Variants in MRPS35 observed in about 807,000 individuals in gnomAD.
The protein encoded by MRPS35 is mitochondrial ribosomal protein S35.
A neutral mutation model predicts 32.7 loss-of-function variants in MRPS35; 29 were observed. That is an observed-to-expected ratio of 0.89 (90% confidence interval 0.66 to 1.21). MRPS35 has a LOEUF of 1.21. MRPS35 is among the 50% of genes most tolerant of loss of function. The pLI, the probability that MRPS35 is intolerant of heterozygous loss-of-function variation, is 0.00. For synonymous variants in MRPS35, 148 were observed against 139.3 expected, an observed-to-expected ratio of 1.06 and a Z score of -0.44; for missense variants, 373 against 383.8, an observed-to-expected ratio of 0.97 and a Z score of 0.23.
intron 7 of MRPS35, among the ~76,000 whole-genome samples, chr12:27,738,086 T>C (rs900940927): frequency 3.3e-5 from 5 of 152,232 alleles, no homozygotes; most frequent in Non-Finnish European, 7.4e-5. Context: ...CAATTAATTA[T>C]AGCTTGAGTA....
At position 27,729,690 on chromosome 12, in the gene MRPS35, C is replaced by A. The variant is rs1006735242; in HGVS notation, c.522+5504C>A. ...TTCAATATACTGATGCATTTCTGAA[C>A]CCTGGTCAGTTCATAGTGTATCATT... On this transcript the variant is annotated intron_variant, in intron 5 of 7. Transcript: ENST00000081029. 2.6e-5 allele frequency among the ~76,000 whole-genome samples: 4 copies of A among 152,188 alleles called. No homozygotes were observed. The East Asian group carries it at 7.7e-4, about 29-fold the overall frequency.
At position 27,755,556 on chromosome 12, in the gene MRPS35, C is replaced by G; in HGVS notation, c.*106C>G. The G allele has an allele frequency of 1.7e-6, 2 of 1,152,134 alleles. No homozygotes were observed. The highest frequency in any genetic ancestry group is 2.4e-6 in the Non-Finnish European group (2 of 850,200). The allele number at this position is 1,152,134 out of a possible 1,614,324, so 71.4% of individuals were successfully genotyped here. Reference sequence around the variant, plus strand: ...ATGTTAAAAAATCATTTTTTTTCCTCAGAGTTAAAATTATTTCCCTCATAC... The same window carrying G: ...ATGTTAAAAAATCATTTTTTTTCCTGAGAGTTAAAATTATTTCCCTCATAC... On this transcript the variant is annotated 3_prime_UTR_variant, in exon 8 of 8. Transcript: ENST00000081029.
Position 27,755,573 on chromosome 12 carries a change from C to A in MRPS35, c.*123C>A. On this transcript the variant is annotated 3_prime_UTR_variant, in exon 8 of 8. Transcript: ENST00000081029. Reference sequence around the variant, plus strand: ...TTTTTCCTCAGAGTTAAAATTATTTCCCTCATACTAATGCTTAATGGCAAT... The same window carrying A: ...TTTTTCCTCAGAGTTAAAATTATTTACCTCATACTAATGCTTAATGGCAAT... The A allele has an allele frequency of 1.1e-6, 1 of 923,128 alleles. No homozygotes were observed. The highest frequency in any genetic ancestry group is 1.5e-6 in the Non-Finnish European group (1 of 648,596). The allele number at this position is 923,128 out of a possible 1,614,324, so 57.2% of individuals were successfully genotyped here.
intron 5 of MRPS35, among the ~76,000 whole-genome samples, chr12:27,726,010 A>G (rs1291141455): frequency 6.8e-6 from 1 of 148,130 alleles, no homozygotes; most frequent in Non-Finnish European, 1.5e-5. Context: ...GGGTTTTGCC[A>G]TGATGCCCAG....
chr12:27,716,614 A>C (rs951218056), intron 3 of MRPS35, among the ~76,000 whole-genome samples, 156 bp downstream of exon 3: 23 of 152,248 alleles, frequency 1.5e-4, no homozygotes, highest in African/African-American at 5.1e-4. Flanking sequence ...GTTTATTATT[A>C]TACAACACCA....
intron 3 of MRPS35, among the ~76,000 whole-genome samples, chr12:27,717,189 T>C (rs1431481976): frequency 6.6e-6 from 1 of 152,126 alleles, no homozygotes; most frequent in Non-Finnish European, 1.5e-5. Context: ...GCCTATCATA[T>C]CTTTTCTATA....
chr12:27,722,402 T>C (rs958171549), intron 4 of MRPS35, among the ~76,000 whole-genome samples: 2 of 152,236 alleles, frequency 1.3e-5, no homozygotes. Context: ...TAAAGGCTAA[T>C]AGGAGTCTAT....
At chr12:27,746,117 G>C (rs1172607644) in intron 7 of MRPS35, among the ~76,000 whole-genome samples, 1 of 152,198 alleles carries the variant, frequency 6.6e-6, no homozygotes, top group Non-Finnish European at 1.5e-5. Flanking sequence ...ATCTCTAGCT[G>C]TGAGACCCAG....
At chr12:27,732,548 A>G (rs925042462) in intron 5 of MRPS35, among the ~76,000 whole-genome samples, 2 of 152,216 alleles carry the variant, frequency 1.3e-5, no homozygotes, top group Non-Finnish European at 2.9e-5. Flanking sequence ...ACGTAGGTCA[A>G]ACAGGTGGAC....
In MRPS35 at chr12:27,722,513, A is replaced by AT. The variant is rs202117644; in HGVS notation, c.383-1523dup. 6.8e-3 allele frequency among the ~76,000 whole-genome samples: 1,007 copies of AT among 147,406 alleles called. 5 individuals carry two copies. Among genetic ancestry groups the AT allele is most frequent in the African/African-American group, 0.022 (900 of 40,420 alleles). On this transcript the variant is annotated intron_variant, in intron 4 of 7. Coordinates refer to ENST00000081029, the MANE Select transcript of MRPS35 (RefSeq NM_021821.4). ...TTGATGATTGAAATGACTTATTCACATTTTTTTTTTTAAGTAAAAGAAAAA... is the reference window on the plus strand; with the variant it reads ...TTGATGATTGAAATGACTTATTCACATTTTTTTTTTTTAAGTAAAAGAAAAA...
At chr12:27,740,079 C>T (rs1349789968) in intron 7 of MRPS35, among the ~76,000 whole-genome samples, 3 of 152,166 alleles carry the variant, frequency 2.0e-5, no homozygotes, top group Non-Finnish European at 4.4e-5. Flanking sequence ...TGAAATTTTG[C>T]GGAGCTGCTA....
At chr12:27,723,897 G>T in intron 4 of MRPS35, 150 bp from the exon 5 acceptor site, 1 of 657,918 alleles carries the variant, frequency 1.5e-6, no homozygotes, top group East Asian at 3.2e-5. Flanking sequence ...AGGGATAAGG[G>T]ATGATGCTAT....
At chr12:27,745,611 C>T (rs1010720183) in intron 7 of MRPS35, among the ~76,000 whole-genome samples, 22 of 151,788 alleles carry the variant, frequency 1.4e-4, no homozygotes, top group Non-Finnish European at 2.2e-4. Context: ...GGTACATGTG[C>T]ACAACATGCA....
chr12:27,731,806 C>T (rs1392041096), intron 5 of MRPS35, among the ~76,000 whole-genome samples: 2 of 152,130 alleles, frequency 1.3e-5, no homozygotes, highest in Admixed American at 6.6e-5. Context: ...TGACCTCAAG[C>T]GTTCCTCCCT....
chr12:27,740,769 T>C (rs2061961615), intron 7 of MRPS35, among the ~76,000 whole-genome samples: 2 of 152,240 alleles, frequency 1.3e-5, no homozygotes, highest in African/African-American at 4.8e-5. Context: ...TCAGTAAGCA[T>C]AGACATCGCA....
At chr12:27,712,495 AAT>A (rs1180504922) in intron 1 of MRPS35, among the ~76,000 whole-genome samples, 2 of 152,204 alleles carry the variant, frequency 1.3e-5, no homozygotes, top group Non-Finnish European at 2.9e-5. Flanking sequence ...CTGTTGCAGT[AAT>A]CCAAATGAGG....
intron 7 of MRPS35, among the ~76,000 whole-genome samples, chr12:27,744,845 C>G (rs1344563729): frequency 6.9e-6 from 1 of 145,030 alleles, no homozygotes; most frequent in African/African-American, 2.6e-5. Flanking sequence ...TGAGAGTTAA[C>G]TGGGTCTCTG....
intron 6 of MRPS35, among the ~76,000 whole-genome samples, chr12:27,736,077 TA>T (rs1267087130): frequency 6.6e-6 from 1 of 152,240 alleles, no homozygotes; most frequent in African/African-American, 2.4e-5. Flanking sequence ...AAAGAAAGGT[TA>T]TTGGTATGTT....
intron 5 of MRPS35, among the ~76,000 whole-genome samples, chr12:27,727,260 A>C (rs1326796707): frequency 6.6e-6 from 1 of 152,098 alleles, no homozygotes. Flanking sequence ...TTAAGCACAG[A>C]AGTTTTAATT....
Sources: gnomAD v4.1 joint callset for allele counts (sites outside exome capture counted in the v4.1 genomes callset) on GRCh38, gnomAD v4.1.1 for gene constraint, MANE v1.5 for transcripts, NCBI Gene and HGNC (gene_info 2026-07-23, HGNC 2026-07-21) for gene names.